The following LRMDA variants were observed in gnomAD, a reference collection of about 807,000 sequenced individuals.
LRMDA encodes the protein leucine-rich melanocyte differentiation-associated protein.
LRMDA carries 18 observed loss-of-function variants against 29.8 expected under a neutral mutation model. The ratio of observed to expected loss-of-function variants is 0.60; its 90% CI spans 0.42 to 0.90. LRMDA has a LOEUF of 0.90. Among genes scored for constraint, LRMDA ranks in the 40% least tolerant of loss-of-function variants. The pLI is 0.00. For synonymous variants in LRMDA, 125 were observed against 109.4 expected, an observed-to-expected ratio of 1.14 and a Z score of -0.89; for missense variants, 273 against 273.9, an observed-to-expected ratio of 1.00 and a Z score of 0.02.
At chr10:76,114,229 CTT>C (rs1388578712) in intron 5 of LRMDA, among the ~76,000 whole-genome samples, 2 of 152,200 alleles carry the variant, frequency 1.3e-5, no homozygotes, top group African/African-American at 4.8e-5. Flanking sequence ...ATATGTCACT[CTT>C]CTCTATGACA....
chr10:76,327,077 G>A (rs1840843517), intron 6 of LRMDA, among the ~76,000 whole-genome samples: 1 of 146,772 alleles, frequency 6.8e-6, no homozygotes, highest in Non-Finnish European at 1.5e-5. Flanking sequence ...AGAGGCAGCA[G>A]TAAGTCCAAA....
chr10:76,357,823 C>T (rs866809193), intron 6 of LRMDA, among the ~76,000 whole-genome samples: 6 of 152,186 alleles, frequency 3.9e-5, no homozygotes, highest in East Asian at 1.9e-4. Flanking sequence ...ACCTGGCCTT[C>T]GTGGTTCTTT....
At chr10:75,929,250 G>A (rs908543880) in intron 2 of LRMDA, among the ~76,000 whole-genome samples, 1 of 152,016 alleles carries the variant, frequency 6.6e-6, no homozygotes, top group South Asian at 2.1e-4. Flanking sequence ...TTGTGTGCCT[G>A]TATACATGTG....
At chr10:76,539,136 G>A (rs1210588625) in intron 6 of LRMDA, among the ~76,000 whole-genome samples, 5 of 152,120 alleles carry the variant, frequency 3.3e-5, no homozygotes, top group Non-Finnish European at 7.4e-5. Context: ...GAAAAGCTAT[G>A]AAAGGTCAGA....
intron 5 of LRMDA, among the ~76,000 whole-genome samples, chr10:76,059,226 C>T (rs2117793): frequency 0.35 from 52,912 of 152,042 alleles, 10,767 homozygotes; most frequent in Non-Finnish European, 0.45. Context: ...AAGGGCTCCA[C>T]GGCCCTCTGA....
intron 5 of LRMDA, among the ~76,000 whole-genome samples, chr10:76,231,593 C>T (rs1476725911): frequency 6.6e-6 from 1 of 152,172 alleles, no homozygotes; most frequent in African/African-American, 2.4e-5. Flanking sequence ...TCCTCCCCAA[C>T]TTTGCAGAAC....
chr10:76,035,449 A>G (rs930775535), intron 2 of LRMDA, among the ~76,000 whole-genome samples: 3 of 152,198 alleles, frequency 2.0e-5, no homozygotes, highest in Non-Finnish European at 4.4e-5. Context: ...AGAGGAAAAA[A>G]AAAAGTCAAA....
At chr10:75,990,739 G>C (rs533394878) in intron 2 of LRMDA, among the ~76,000 whole-genome samples, 8 of 152,262 alleles carry the variant, frequency 5.3e-5, no homozygotes, top group African/African-American at 1.7e-4. Context: ...AGATAATAAA[G>C]AGGAAATGGT....
chr10:76,134,295 G>A (rs1208878589), intron 5 of LRMDA, among the ~76,000 whole-genome samples: 1 of 152,188 alleles, frequency 6.6e-6, no homozygotes, highest in Non-Finnish European at 1.5e-5. Context: ...ACTTGGCGGT[G>A]ATATTCATGG....
chr10:76,114,448 C>G (rs2132117117), intron 5 of LRMDA, among the ~76,000 whole-genome samples: 1 of 152,322 alleles, frequency 6.6e-6, no homozygotes, highest in African/African-American at 2.4e-5. Flanking sequence ...CTAGGCTTGG[C>G]TTCCACTTTT....
rs150320552 is a variant in LRMDA at position 75,770,465 on chromosome 10, C to G, written c.132-265543C>G. 1.0e-2 allele frequency among the ~76,000 whole-genome samples: 1,518 copies of G among 152,248 alleles called. 21 individuals carry two copies. The highest frequency in any genetic ancestry group is 0.031 in the Middle Eastern group (9 of 294). ...CATAATTTTTAAAAAGTTGTATATG[C>G]ACACAGTTAAAAATGCCAATAGCAT... On this transcript the variant is annotated intron_variant, in intron 2 of 6. Coordinates refer to ENST00000611255, the MANE Select transcript of LRMDA (RefSeq NM_001305581.2).
intron 5 of LRMDA, among the ~76,000 whole-genome samples, chr10:76,188,165 T>C (rs73286933): frequency 0.18 from 28,066 of 152,160 alleles, 5,173 homozygotes; most frequent in African/African-American, 0.48. Context: ...GAAACCCCTT[T>C]GCATTGCTGC....
intron 2 of LRMDA, among the ~76,000 whole-genome samples, chr10:75,939,931 C>T (rs925253493): frequency 1.3e-5 from 2 of 152,188 alleles, no homozygotes; most frequent in African/African-American, 4.8e-5. Flanking sequence ...TGTACCAACA[C>T]ACGTGCCTTT....
chr10:76,533,736 G>A (rs749305565), intron 6 of LRMDA, among the ~76,000 whole-genome samples: 83 of 152,134 alleles, frequency 5.5e-4, no homozygotes, highest in Non-Finnish European at 1.0e-3. Context: ...TGAGTATTTA[G>A]GTAAAGGCTG....
At chr10:75,875,373 C>A (rs1418781364) in intron 2 of LRMDA, among the ~76,000 whole-genome samples, 1 of 152,162 alleles carries the variant, frequency 6.6e-6, no homozygotes, top group Admixed American at 6.5e-5. Flanking sequence ...GGATGAGAGG[C>A]TTCTTCCTTA....
At position 76,542,333 on chromosome 10, in the gene LRMDA, T is replaced by C. The variant is rs566994683; in HGVS notation, c.602-14876T>C. Among the ~76,000 whole-genome samples the C allele has an allele frequency of 1.7e-3, 265 of 152,318 alleles. 1 individual carries two copies. Among genetic ancestry groups the C allele is most frequent in the African/African-American group, 6.0e-3 (250 of 41,580 alleles). On this transcript the variant is annotated intron_variant, in intron 6 of 6. Coordinates refer to ENST00000611255, the MANE Select transcript of LRMDA (RefSeq NM_001305581.2). ...GAATAATATGGCCGCTCAATTTTTT[T>C]TGGAGGGGAGGGGGTTATCTTTAAA...
chr10:75,948,839 G>A (rs73275022), intron 2 of LRMDA, among the ~76,000 whole-genome samples: 1,533 of 152,100 alleles, frequency 0.01, 32 homozygotes, highest in African/African-American at 0.035. Context: ...TGGTGATATA[G>A]CCTTGCTGGA....
At chr10:76,464,624 G>A (rs1842546178) in intron 6 of LRMDA, among the ~76,000 whole-genome samples, 1 of 152,180 alleles carries the variant, frequency 6.6e-6, no homozygotes, top group Admixed American at 6.5e-5. Flanking sequence ...TTACCCCTTT[G>A]AGTAAAAATA....
chr10:75,433,631 T>C (rs1254482942), intron 1 of LRMDA, among the ~76,000 whole-genome samples: 1 of 152,150 alleles, frequency 6.6e-6, no homozygotes, highest in Non-Finnish European at 1.5e-5. Context: ...GCACCTTGGA[T>C]GTGGGTAGCA....
Sources: allele counts gnomAD v4.1 joint callset (sites outside exome capture counted in the v4.1 genomes callset), GRCh38; gene constraint gnomAD v4.1.1; transcripts MANE v1.5; gene names NCBI Gene and HGNC (gene_info 2026-07-23, HGNC 2026-07-21).